NMT1: variants seen among roughly 807,000 people sequenced by gnomAD.
NMT1 encodes N-myristoyltransferase 1.
A neutral mutation model predicts 63.4 loss-of-function variants in NMT1; 12 were observed. The observed-to-expected ratio is 0.19, with a 90% CI of 0.12 to 0.31. The LOEUF (loss-of-function observed/expected upper bound fraction) is 0.31, where lower values mean the gene tolerates loss of function less well. Among genes scored for constraint, NMT1 ranks in the 10% least tolerant of loss-of-function variants. The probability of loss-of-function intolerance (pLI) is 1.00; values close to 1 mark genes in which losing one functional copy is unlikely to be tolerated. For missense variants in NMT1, 432 were observed against 634.6 expected, an observed-to-expected ratio of 0.68 and a Z score of 3.43; for synonymous variants, 228 against 234.3, an observed-to-expected ratio of 0.97 and a Z score of 0.25.
intron 1 of NMT1, among the ~76,000 whole-genome samples, chr17:45,068,396 C>T (rs1394875995): frequency 6.6e-6 from 1 of 152,122 alleles, no homozygotes; most frequent in Non-Finnish European, 1.5e-5. Context: ...CACTTGAACC[C>T]GGGAGGCAGA....
chr17:45,072,860 A>AT (rs1333552213), intron 1 of NMT1, among the ~76,000 whole-genome samples: 67 of 151,592 alleles, frequency 4.4e-4, no homozygotes, highest in Non-Finnish European at 8.7e-4. Context: ...CGCCTGGCCT[A>AT]TTTTTTTTAA....
chr17:45,080,113 C>T (rs893455338), intron 1 of NMT1, among the ~76,000 whole-genome samples: 6 of 151,836 alleles, frequency 4.0e-5, no homozygotes, highest in African/African-American at 1.2e-4. Context: ...CTGAGCTTGC[C>T]GACAGTTGTC....
Position 45,093,702 on chromosome 17 carries a change from C to T in NMT1, c.403C>T (p.His135Tyr), listed in dbSNP as rs753759265. ...TCTTTCAGGCGAAGTGGTGAACACC[C>T]ATGGCCCCGTGGAGCCTGACAAGGA... ...VPKLGEVVNT[H>Y]GPVEPDKDNI... The change falls in exon 4 of 12, where the codon CAT becomes TAT. Residue 135 changes from histidine to tyrosine, a missense_variant. Transcript: ENST00000258960. 2.5e-6 allele frequency: 4 copies of T among 1,614,198 alleles called. No individual in the cohort carries two copies. The highest frequency in any genetic ancestry group is 3.4e-6 in the Non-Finnish European group (4 of 1,180,006).
intron 1 of NMT1, among the ~76,000 whole-genome samples, chr17:45,068,886 G>C (rs142846961): frequency 6.6e-6 from 1 of 152,054 alleles, no homozygotes; most frequent in African/African-American, 2.4e-5. Flanking sequence ...GCCTCAAGCA[G>C]TCCACCTGCC....
At chr17:45,069,708 G>C (rs2053927455) in intron 1 of NMT1, among the ~76,000 whole-genome samples, 3 of 152,036 alleles carry the variant, frequency 2.0e-5, no homozygotes, top group Admixed American at 2.0e-4. Flanking sequence ...ATTGAGTTCT[G>C]CATCTTGAGT....
chr17:45,094,814 C>CTT lies in NMT1; in HGVS notation c.504+1026_504+1027dup, dbSNP rs770599475. On this transcript the variant is annotated intron_variant, in intron 4 of 11. Transcript: ENST00000258960. ...ACAGGCAATGAGCCACTAGGCCTGG[C>CTT]TTTTTTTTTTTTTTTTGAGACAGAG... Among the ~76,000 whole-genome samples the CTT allele has an allele frequency of 3.6e-3, 415 of 116,650 alleles. 4 individuals carry two copies. Among genetic ancestry groups the CTT allele is most frequent in the South Asian group, 8.5e-3 (29 of 3,412 alleles). 76.5% of individuals were successfully genotyped at this position (116,650 alleles called of 152,430 possible).
chr17:45,094,216 C>T (rs1055545043), intron 4 of NMT1, among the ~76,000 whole-genome samples: 5 of 151,934 alleles, frequency 3.3e-5, no homozygotes, highest in Non-Finnish European at 7.4e-5. Context: ...AAAATGTCGC[C>T]GGGCGTGGTG....
At chr17:45,096,710 T>C (rs917101197) in intron 5 of NMT1, among the ~76,000 whole-genome samples, 1 of 151,898 alleles carries the variant, frequency 6.6e-6, no homozygotes, top group Non-Finnish European at 1.5e-5. Flanking sequence ...TGGGCCGAAA[T>C]GGAGAGGGAC....
intron 3 of NMT1, among the ~76,000 whole-genome samples, chr17:45,087,858 A>G (rs563225185): frequency 6.6e-6 from 1 of 151,898 alleles, no homozygotes; most frequent in South Asian, 2.1e-4. Context: ...GCCCAAGGAG[A>G]TTTGTTTGCT....
intron 1 of NMT1, among the ~76,000 whole-genome samples, chr17:45,078,036 T>C (rs1160093403): frequency 3.3e-5 from 5 of 152,144 alleles, no homozygotes; most frequent in African/African-American, 4.8e-5. Flanking sequence ...ACCTTATGCT[T>C]GGACTAAAGG....
chr17:45,072,509 C>T (rs2143461484), intron 1 of NMT1, among the ~76,000 whole-genome samples: 1 of 151,940 alleles, frequency 6.6e-6, no homozygotes, highest in Non-Finnish European at 1.5e-5. Context: ...AGCTGATCCA[C>T]CCACCTTGGT....
intron 8 of NMT1, 121 bp from the exon 9 acceptor site, chr17:45,102,830 G>C (rs2054176047): frequency 2.4e-6 from 2 of 819,524 alleles, no homozygotes; most frequent in Admixed American, 2.6e-5. Context: ...AGATATGCAC[G>C]GGGGTGCAGG....
At chr17:45,075,300 A>G (rs983817716) in intron 1 of NMT1, among the ~76,000 whole-genome samples, 2 of 152,060 alleles carry the variant, frequency 1.3e-5, no homozygotes, top group African/African-American at 4.8e-5. Flanking sequence ...ACTGGCCAAC[A>G]TGGTGAAACC....
Position 45,103,223 on chromosome 17 carries a change from C to T in NMT1, c.1164+102C>T. On this transcript the variant is annotated intron_variant, in intron 9 of 11. Transcript: ENST00000258960. This position sits in a 1 kb window ranked among gnomAD's most constrained non-coding sequence, Gnocchi z 4.8. Reference sequence around the variant, plus strand: ...GCTCGAGTGTTGGCACCTTAGACTTCCTTGACCATCCGTGTTTGGTCCTCC... The same window carrying T: ...GCTCGAGTGTTGGCACCTTAGACTTTCTTGACCATCCGTGTTTGGTCCTCC... The T allele has an allele frequency of 9.0e-7, 1 of 1,113,752 alleles. No homozygotes were observed. The highest frequency in any genetic ancestry group is 1.3e-6 in the Non-Finnish European group (1 of 764,998). The allele number at this position is 1,113,752 out of a possible 1,614,324, so 69.0% of individuals were successfully genotyped here. A position where few individuals can be genotyped will look rare whatever the true frequency, so the allele number is the denominator to read the frequency against.
chr17:45,064,449 GA>G (rs2053888506), intron 1 of NMT1, among the ~76,000 whole-genome samples: 1 of 152,176 alleles, frequency 6.6e-6, no homozygotes, highest in Non-Finnish European at 1.5e-5. Flanking sequence ...ACTTTGAGAG[GA>G]AATGGTTTTG....
At chr17:45,069,586 G>A (rs993119756) in intron 1 of NMT1, among the ~76,000 whole-genome samples, 1 of 151,922 alleles carries the variant, frequency 6.6e-6, no homozygotes, top group Non-Finnish European at 1.5e-5. Context: ...CCACCACTGC[G>A]CCCAGCTAGA....
intron 5 of NMT1, 118 bp downstream of exon 5, chr17:45,096,403 T>C: frequency 1.3e-6 from 1 of 777,554 alleles, no homozygotes; most frequent in Non-Finnish European, 2.3e-6. Context: ...AATTAGTGTG[T>C]CATTTTTGAG....
chr17:45,101,415 G>A (rs2054164994), intron 8 of NMT1, among the ~76,000 whole-genome samples: 2 of 150,886 alleles, frequency 1.3e-5, no homozygotes, highest in African/African-American at 4.9e-5. Flanking sequence ...ACGAGGTCAA[G>A]AGATTGAGAC....
intron 1 of NMT1, among the ~76,000 whole-genome samples, chr17:45,074,305 C>A (rs957864959): frequency 5.3e-5 from 8 of 151,762 alleles, no homozygotes; most frequent in Non-Finnish European, 7.4e-5. Flanking sequence ...AGCTCCGCCT[C>A]CTGGGTTCAC....
Sources: allele counts gnomAD v4.1 joint callset (sites outside exome capture counted in the v4.1 genomes callset), GRCh38; gene constraint gnomAD v4.1.1; non-coding constraint Gnocchi (gnomAD v3.1); transcripts MANE v1.5; gene names NCBI Gene and HGNC (gene_info 2026-07-23, HGNC 2026-07-21).